The following PNKP variants were observed in gnomAD, a reference collection of about 807,000 sequenced individuals.
PNKP encodes the protein bifunctional polynucleotide phosphatase/kinase.
In PNKP, 82 loss-of-function variants were observed where a neutral mutation model predicts 66.2. The ratio of observed to expected loss-of-function variants is 1.24; its 90% CI spans 1.04 to 1.49. PNKP has a LOEUF of 1.49. Ranked by LOEUF, PNKP falls within the 40% of genes most tolerant of loss-of-function variation. PNKP has a pLI of 0.00. For synonymous variants in PNKP, 412 were observed against 298.9 expected, an observed-to-expected ratio of 1.38 and a Z score of -3.90; for missense variants, 907 against 706.8, an observed-to-expected ratio of 1.28 and a Z score of -3.21.
Position 49,861,528 on chromosome 19 carries a change from G to A in PNKP, c.1387-18C>T, listed in dbSNP as rs1336711302. 3 of 1,612,658 alleles carry A rather than the reference G, an allele frequency of 1.9e-6. No individual in the cohort carries two copies. The highest frequency in any genetic ancestry group is 3.3e-5 in the Admixed American group (2 of 59,992). On this transcript the variant is annotated intron_variant, in intron 15 of 16. Transcript: ENST00000322344. ...TCTCGAAACTGTGGGGAACATCAGA[G>A]GGGCGGCAGGCCCAGGGGTCAGGGG...
At chr19:49,865,601 C>CTTTTTT (rs749242089) in intron 3 of PNKP, 175 bp from the exon 4 acceptor site, 3 of 318,500 alleles carry the variant, frequency 9.4e-6, no homozygotes, top group African/African-American at 3.1e-5. Context: ...TTGTCCGAAT[C>CTTTTTT]TTTTTTTTTT....
At chr19:49,866,816 C>T (rs1431227753) in intron 2 of PNKP, 1 of 605,214 alleles carries the variant, frequency 1.7e-6, no homozygotes, top group Non-Finnish European at 3.0e-6. Context: ...TTCCCGATGG[C>T]CTGAGCATCA....
intron 7 of PNKP, 23 bp downstream of exon 7, chr19:49,863,941 C>T: frequency 1.3e-6 from 2 of 1,580,006 alleles, no homozygotes; most frequent in African/African-American, 1.3e-5. Context: ...CCACATAGCT[C>T]CCAGCCTCCC....
intron 3 of PNKP, chr19:49,866,085 T>C (rs2074817584): frequency 2.3e-6 from 1 of 433,316 alleles, no homozygotes. Flanking sequence ...TGATCACTGC[T>C]CACTACACCC....
At chr19:49,864,469 T>G in intron 4 of PNKP, 66 bp from the exon 5 acceptor site, 1 of 1,230,866 alleles carries the variant, frequency 8.1e-7, no homozygotes, top group Non-Finnish European at 1.2e-6. Flanking sequence ...ACTCACAGGC[T>G]GACTCACACC....
intron 8 of PNKP, 137 bp downstream of exon 8, chr19:49,863,552 A>T: frequency 1.5e-6 from 1 of 681,004 alleles, no homozygotes; most frequent in South Asian, 1.6e-5. Flanking sequence ...AACATCTAAG[A>T]TGTCACAGCA....
chr19:49,863,599 T>C, intron 8 of PNKP, 90 bp downstream of exon 8: 1 of 904,102 alleles, frequency 1.1e-6, no homozygotes, highest in Non-Finnish European at 1.8e-6. Context: ...GACAGAGGAG[T>C]AAGGAGGCCC....
chr19:49,862,335 C>T (rs772863578), intron 11 of PNKP, 36 bp downstream of exon 11: 108 of 1,025,900 alleles, frequency 1.1e-4, no homozygotes, highest in Non-Finnish European at 1.5e-4. Context: ...CGGGAGCCCT[C>T]CCATCCCCAC....
chr19:49,863,106 A>AGG (rs1568660979), intron 8 of PNKP, among the ~76,000 whole-genome samples: 5 of 151,948 alleles, frequency 3.3e-5, no homozygotes. Flanking sequence ...CCTCGCTTAG[A>AGG]GCCAGCCGCA....
At position 49,865,261 on chromosome 19, in the gene PNKP, T is replaced by TG. The variant is rs745505490; in HGVS notation, c.363dup (p.Thr122HisfsTer8). On this transcript the variant is annotated frameshift_variant, in exon 4 of 17. Transcript: ENST00000322344. LOFTEE classifies it high-confidence loss of function. Reference sequence around the variant, plus strand: ...TTCTCATCTTGGGACACCAGAGGGGTGCCAGGCGGAGTATCTGGCTGGGAT... The same window carrying TG: ...TTCTCATCTTGGGACACCAGAGGGGTGGCCAGGCGGAGTATCTGGCTGGGAT... The TG allele has an allele frequency of 1.2e-6, 2 of 1,614,050 alleles. No individual in the cohort carries two copies. Among genetic ancestry groups the TG allele is most frequent in the Non-Finnish European group, 1.7e-6 (2 of 1,180,028 alleles).
In PNKP at chr19:49,861,818, G is replaced by C. The variant is rs777641575; in HGVS notation, c.1252C>G (p.Arg418Gly). The C allele has an allele frequency of 6.3e-7, 1 of 1,587,584 alleles. No homozygotes were observed. The highest frequency in any genetic ancestry group is 8.5e-7 in the Non-Finnish European group (1 of 1,170,052). The change falls in exon 14 of 17, where the codon CGG becomes GGG. Residue 418 changes from arginine to glycine, a missense_variant. Physicochemically the swap from Arg to Gly is moderately radical, Grantham distance 125. Transcript: ENST00000322344. ...TCETALKQGK[R>G]VAIDNTNPDA... ...GGGTTTGTGTTGTCGATGGCGACCC[G>C]TTTCCCTTGCTTCAGGGCTGTCTCA...
At chr19:49,863,601 A>C (rs1568661258) in intron 8 of PNKP, 88 bp downstream of exon 8, 5 of 917,368 alleles carry the variant, frequency 5.5e-6, no homozygotes, top group South Asian at 1.4e-5. Flanking sequence ...CAGAGGAGTA[A>C]GGAGGCCCCA....
chr19:49,861,671 C>T lies in PNKP; in HGVS notation c.1323G>A (p.Ala441=), dbSNP rs778138676. 1.5e-5 allele frequency: 23 copies of T among 1,548,102 alleles called. No individual in the cohort carries two copies. The highest frequency in any genetic ancestry group is 1.8e-5 in the Non-Finnish European group (21 of 1,146,390). ...AGAGGAAGCAGCGGCAGGGGACGCC[C>T]GCGGCTCGGGCACACTGGACGTACC... The part of the protein sequence containing the change: ...RARYVQCARA[A]GVPCRCFLFT... The change falls in exon 15 of 17, where the codon GCG becomes GCA. Residue 441 remains alanine (A), a synonymous_variant. Transcript: ENST00000322344.
chr19:49,861,711 C>T lies in PNKP; in HGVS notation c.1299-16G>A. ...CTGGACGTACCTGTGGGGGAAGGAGCTGGATGTGCAGGCCCCGCCCACCCC... is the reference window on the plus strand; with the variant it reads ...CTGGACGTACCTGTGGGGGAAGGAGTTGGATGTGCAGGCCCCGCCCACCCC... On this transcript the variant is annotated splice_polypyrimidine_tract_variant and intron_variant, in intron 14 of 16. Transcript: ENST00000322344. 1.3e-6 allele frequency: 2 copies of T among 1,548,556 alleles called. No individual in the cohort carries two copies. Among genetic ancestry groups the T allele is most frequent in the Non-Finnish European group, 1.7e-6 (2 of 1,146,486 alleles).
chr19:49,865,163 T>C lies in PNKP; in HGVS notation c.462A>G (p.Leu154=). The C allele has an allele frequency of 6.2e-7, 1 of 1,614,198 alleles. No individual in the cohort carries two copies. Among genetic ancestry groups the C allele is most frequent in the Non-Finnish European group, 8.5e-7 (1 of 1,180,034 alleles). The change falls in exon 4 of 17, where the codon CTA becomes CTG. Residue 154 remains leucine, a synonymous_variant. Transcript: ENST00000322344. Reference sequence around the variant, plus strand: ...GTTTCACCCCAGCTGCGGTGAACACTAGCAACTTCTCCAAGTTCTCCCAGC... The same window carrying C: ...GTTTCACCCCAGCTGCGGTGAACACCAGCAACTTCTCCAAGTTCTCCCAGC... ...NPGWENLEKL[L]VFTAAGVKPQ...
rs775042023 is a variant in PNKP, at chr19:49,861,858, G to C, written c.1212C>G (p.Arg404=). 1.3e-6 allele frequency: 2 copies of C among 1,592,182 alleles called. No individual in the cohort carries two copies. Among genetic ancestry groups the C allele is most frequent in the Non-Finnish European group, 1.7e-6 (2 of 1,172,150 alleles). ...GGGCTGTCTCACACGTGGTCACACA[G>C]CGCTGCCAGGAGCCTAGCGTGTCCT... ...VNRDTLGSWQ[R]CVTTCETALK... The change falls in exon 14 of 17, where the codon CGC becomes CGG. Residue 404 remains arginine, a synonymous_variant. Transcript: ENST00000322344.
Position 49,861,701 on chromosome 19 carries a change from G to C in PNKP, c.1299-6C>G, listed in dbSNP as rs112635688. ...CTCGGGCACACTGGACGTACCTGTGGGGGAAGGAGCTGGATGTGCAGGCCC... is the reference window on the plus strand; with the variant it reads ...CTCGGGCACACTGGACGTACCTGTGCGGGAAGGAGCTGGATGTGCAGGCCC... On this transcript the variant is annotated splice_polypyrimidine_tract_variant and splice_region_variant and intron_variant, in intron 14 of 16. Transcript: ENST00000322344. 1 of 1,548,352 alleles carries C rather than the reference G, an allele frequency of 6.5e-7. No homozygotes were observed. The highest frequency in any genetic ancestry group is 1.4e-5 in the African/African-American group (1 of 72,998).
Position 49,862,392 on chromosome 19 carries a change from G to C in PNKP, c.1008C>G (p.Phe336Leu), listed in dbSNP as rs1474446608. The change falls in exon 11 of 17, where the codon TTC (phenylalanine) becomes TTG (leucine). Residue 336 changes from phenylalanine to leucine, a missense_variant. By Grantham distance (22) the Phe-to-Leu change is conservative (BLOSUM62 0). Transcript: ENST00000322344. ...EFFLKWPAAG[F>L]ELPAFDPRTV... The stretch of plus-strand genomic sequence containing the variant: ...TCACCGGATCAAAGGCTGGGAGCTC[G>C]AAGCCGGCTGCTGGCCACTTGAGAA... The C allele has an allele frequency of 1.9e-6, 3 of 1,556,006 alleles. No homozygotes were observed. The highest frequency in any genetic ancestry group is 8.7e-7 in the Non-Finnish European group (1 of 1,149,724).
At chr19:49,865,491 T>C in intron 3 of PNKP, 65 bp from the exon 4 acceptor site, 1 of 1,212,808 alleles carries the variant, frequency 8.2e-7, no homozygotes, top group Non-Finnish European at 1.2e-6. Flanking sequence ...TCCAATCAAA[T>C]ACCCAGCGGA....
Sources: gnomAD v4.1 joint callset for allele counts (sites outside exome capture counted in the v4.1 genomes callset) on GRCh38, gnomAD v4.1.1 for gene constraint, MANE v1.5 for transcripts, NCBI Gene and HGNC (gene_info 2026-07-23, HGNC 2026-07-21) for gene names.